Variants in CFAP221 observed in about 807,000 individuals in gnomAD.
CFAP221 encodes cilia- and flagella-associated protein 221.
A neutral mutation model predicts 113.1 loss-of-function variants in CFAP221; 97 were observed. The observed-to-expected ratio is 0.86, with a 90% CI of 0.73 to 1.02. The LOEUF is 1.02. CFAP221 is among the 50% of genes least tolerant of loss of function. The pLI is 0.00. For synonymous variants in CFAP221, 331 were observed against 354.4 expected, an observed-to-expected ratio of 0.93 and a Z score of 0.74; for missense variants, 1,025 against 1,013.4, an observed-to-expected ratio of 1.01 and a Z score of -0.16.
chr2:119,636,711 G>A (rs890179244), intron 19 of CFAP221, among the ~76,000 whole-genome samples: 10 of 152,170 alleles, frequency 6.6e-5, no homozygotes, highest in African/African-American at 2.2e-4. Context: ...AAGGGCCTGC[G>A]GAACCACTGC....
In CFAP221 at chr2:119,647,030, C is replaced by A. The variant is rs1176276980; in HGVS notation, c.2298C>A (p.Asp766Glu). The change falls in exon 22 of 24, where the codon GAC (aspartate) becomes GAA (glutamate). Residue 766 changes from aspartate to glutamate, a missense_variant. Transcript: ENST00000413369. ...TCCTTGATGCCTTACCAGAAGAGGA[C>A]AGACTAGAAACAGTAGAACGGTATT... ...PAILDALPEEDRLETVERELC... is the reference protein window; with the variant it reads ...PAILDALPEEERLETVERELC... 1.2e-6 allele frequency: 2 copies of A among 1,608,720 alleles called. No homozygotes were observed. Among genetic ancestry groups the A allele is most frequent in the Admixed American group, 1.7e-5 (1 of 59,358 alleles).
intron 19 of CFAP221, 159 bp from the exon 20 acceptor site, chr2:119,638,100 C>G: frequency 3.5e-6 from 2 of 571,240 alleles, no homozygotes; most frequent in Non-Finnish European, 5.7e-6. Context: ...GACTTGAAGA[C>G]ACCTCTGCTC....
At chr2:119,555,285 G>A (rs1428313671) in intron 3 of CFAP221, among the ~76,000 whole-genome samples, 1 of 152,150 alleles carries the variant, frequency 6.6e-6, no homozygotes, top group Non-Finnish European at 1.5e-5. Flanking sequence ...CCCCAGGCCA[G>A]CAGAAGGTCA....
chr2:119,599,464 G>A (rs1176978982), intron 7 of CFAP221, among the ~76,000 whole-genome samples: 1 of 152,210 alleles, frequency 6.6e-6, no homozygotes, highest in Non-Finnish European at 1.5e-5. Flanking sequence ...GCAGGTGCCT[G>A]CTTTCCTAAA....
At chr2:119,555,461 T>C (rs1324721757) in intron 3 of CFAP221, among the ~76,000 whole-genome samples, 1 of 152,256 alleles carries the variant, frequency 6.6e-6, no homozygotes, top group Non-Finnish European at 1.5e-5. Context: ...TAACATACAC[T>C]TTCTAAGCAC....
At chr2:119,605,367 G>A (rs891461810) in intron 11 of CFAP221, 78 bp downstream of exon 11, 4 of 1,128,372 alleles carry the variant, frequency 3.5e-6, no homozygotes, top group African/African-American at 3.1e-5. Context: ...ATGAGAGACA[G>A]TAAAATGTAA....
chr2:119,634,882 TCA>T (rs1314844457), intron 19 of CFAP221, among the ~76,000 whole-genome samples: 1 of 152,216 alleles, frequency 6.6e-6, no homozygotes, highest in Non-Finnish European at 1.5e-5. Context: ...AAATCTGCTC[TCA>T]CAATCTGCGG....
chr2:119,620,471 A>G (rs1183601869), intron 14 of CFAP221, among the ~76,000 whole-genome samples: 1 of 152,208 alleles, frequency 6.6e-6, no homozygotes, highest in East Asian at 1.9e-4. Context: ...TCAACCCACA[A>G]TTTCATATCC....
rs992256817 is a variant in CFAP221 at position 119,656,579 on chromosome 2, A to C, written c.*109A>C. ...TGCAATTAAAGTTTCTGGATAAAAA[A>C]ATGAAATGTAGAGGATGTATATATC... On this transcript the variant is annotated 3_prime_UTR_variant, in exon 24 of 24. Coordinates refer to ENST00000413369, the MANE Select transcript of CFAP221 (RefSeq NM_001271049.2). 1.7e-5 allele frequency: 12 copies of C among 695,970 alleles called. No individual in the cohort carries two copies. In the African/African-American group the frequency reaches 2.2e-4, roughly 13 times the overall value. The allele number at this position is 695,970 out of a possible 1,614,324, so 43.1% of individuals were successfully genotyped here.
chr2:119,608,130 C>T (rs1261747633), intron 11 of CFAP221, among the ~76,000 whole-genome samples: 1 of 152,136 alleles, frequency 6.6e-6, no homozygotes, highest in Non-Finnish European at 1.5e-5. Context: ...CCACTAGCAA[C>T]ATATGAGGGT....
At position 119,575,190 on chromosome 2, in the gene CFAP221, C is replaced by G. The variant is rs141536986; in HGVS notation, c.528-11929C>G. ...TCCTCTTATCTTTCCCCAATAAATG[C>G]TATAGTTTTCTCAACAAAAAAAGAA... On this transcript the variant is annotated intron_variant, in intron 6 of 23. Transcript: ENST00000413369. Among the ~76,000 whole-genome samples, 44 of 152,280 alleles carry G rather than the reference C, an allele frequency of 2.9e-4. No individual in the cohort carries two copies. The East Asian group carries it at 7.9e-3, about 27-fold the overall frequency.
rs187807732 is a variant in CFAP221 at position 119,619,014 on chromosome 2, C to T, written c.1410+3305C>T. Among the ~76,000 whole-genome samples, 544 of 152,302 alleles carry T rather than the reference C, an allele frequency of 3.6e-3. 1 individual carries two copies. The highest frequency in any genetic ancestry group is 6.2e-3 in the Non-Finnish European group (424 of 68,026). ...AGCCCACTGTAGCTCGGCAAAACCA[C>T]GGTAGCCAGACTGCCTCTCTAGATT... is the stretch of plus-strand genomic sequence containing the variant. On this transcript the variant is annotated intron_variant, in intron 14 of 23. Coordinates refer to ENST00000413369, the MANE Select transcript of CFAP221 (RefSeq NM_001271049.2).
intron 21 of CFAP221, among the ~76,000 whole-genome samples, chr2:119,642,331 G>C (rs933301587): frequency 9.2e-5 from 14 of 152,090 alleles, no homozygotes; most frequent in Admixed American, 2.0e-4. Flanking sequence ...TTCTGTCTTA[G>C]TTCGTTTGGG....
At chr2:119,603,519 A>G (rs1684506399) in intron 8 of CFAP221, among the ~76,000 whole-genome samples, 2 of 152,216 alleles carry the variant, frequency 1.3e-5, no homozygotes, top group African/African-American at 4.8e-5. Context: ...TAAGTTCCAT[A>G]CAATGCAACC....
intron 16 of CFAP221, among the ~76,000 whole-genome samples, chr2:119,629,136 G>A (rs1686583508): frequency 6.6e-6 from 1 of 152,174 alleles, no homozygotes; most frequent in African/African-American, 2.4e-5. Flanking sequence ...TGGTGTCATT[G>A]TGGCATATTA....
At chr2:119,585,224 A>G (rs980615349) in intron 6 of CFAP221, among the ~76,000 whole-genome samples, 2 of 152,236 alleles carry the variant, frequency 1.3e-5, no homozygotes, top group African/African-American at 2.4e-5. Flanking sequence ...TATATATTTT[A>G]TACATACCAC....
At chr2:119,581,553 A>G (rs558921430) in intron 6 of CFAP221, among the ~76,000 whole-genome samples, 8 of 152,248 alleles carry the variant, frequency 5.3e-5, no homozygotes, top group Non-Finnish European at 1.2e-4. Flanking sequence ...TACATTTTAC[A>G]TGAAGGGAAA....
intron 5 of CFAP221, among the ~76,000 whole-genome samples, chr2:119,560,569 T>C (rs1355050168): frequency 6.6e-6 from 1 of 152,056 alleles, no homozygotes; most frequent in Non-Finnish European, 1.5e-5. Context: ...CGTCATTCCT[T>C]CTCTTAAAAC....
At chr2:119,589,377 T>C (rs77028327) in intron 7 of CFAP221, among the ~76,000 whole-genome samples, 28,676 of 152,188 alleles carry the variant, frequency 0.19, 2,858 homozygotes, top group African/African-American at 0.25. Context: ...GGCATCTGGC[T>C]TGACTTGGAG....
Sources: allele counts gnomAD v4.1 joint callset (sites outside exome capture counted in the v4.1 genomes callset), GRCh38; gene constraint gnomAD v4.1.1; transcripts MANE v1.5; gene names NCBI Gene and HGNC (gene_info 2026-07-23, HGNC 2026-07-21).